Variants in VWA8 observed in about 807,000 individuals in gnomAD.
VWA8 encodes the protein von Willebrand factor A domain containing 8.
Under a neutral mutation model 241.5 loss-of-function variants are expected in VWA8, and 221 were observed. The observed-to-expected ratio is 0.91, with a 90% CI of 0.82 to 1.02. The LOEUF (loss-of-function observed/expected upper bound fraction) is 1.02. Among genes scored for constraint, VWA8 ranks in the 50% least tolerant of loss-of-function variants. VWA8 has a pLI of 0.00. For synonymous variants in VWA8, 852 were observed against 827.1 expected, an observed-to-expected ratio of 1.03 and a Z score of -0.52; for missense variants, 2,322 against 2,328.7, an observed-to-expected ratio of 1.00 and a Z score of 0.06.
chr13:41,681,536 G>A (rs1276611838), intron 35 of VWA8, among the ~76,000 whole-genome samples: 1 of 152,146 alleles, frequency 6.6e-6, no homozygotes, highest in Non-Finnish European at 1.5e-5. Flanking sequence ...GATAAGTACT[G>A]AACTCACATT....
chr13:41,768,588 G>A (rs1227789977), intron 20 of VWA8, among the ~76,000 whole-genome samples: 1 of 152,126 alleles, frequency 6.6e-6, no homozygotes, highest in Admixed American at 6.6e-5. Context: ...GCTATGAAAC[G>A]CAGAGAAGAA....
chr13:41,785,389 A>G (rs1427269103), intron 18 of VWA8, among the ~76,000 whole-genome samples: 6 of 152,196 alleles, frequency 3.9e-5, no homozygotes, highest in Admixed American at 3.9e-4. Flanking sequence ...GACTCCAAAT[A>G]ACATTGCAAC....
chr13:41,869,174 G>A (rs930198832), intron 9 of VWA8, among the ~76,000 whole-genome samples: 4 of 152,032 alleles, frequency 2.6e-5, no homozygotes, highest in Non-Finnish European at 4.4e-5. Flanking sequence ...TAAATCAATC[G>A]AAGTTAATGT....
Position 41,891,554 on chromosome 13 carries a change from GA to G in VWA8, c.516del (p.Leu173SerfsTer17). The stretch of plus-strand genomic sequence containing the variant: ...GCCTTTTCCAAACCTTCCAAAATGA[GA>G]GTTCTGCCTTCTGTGGCTGCACGAA... The part of the protein sequence containing the change: ...CAVRAATEGR[T>X]LILEGLEKAE... On this transcript the variant is annotated frameshift_variant, in exon 5 of 45. Transcript: ENST00000379310. LOFTEE classifies it high-confidence loss of function. 7 of 1,614,150 alleles carry G rather than the reference GA, an allele frequency of 4.3e-6. No individual in the cohort carries two copies. Among genetic ancestry groups the G allele is most frequent in the Non-Finnish European group, 5.9e-6 (7 of 1,180,008 alleles).
intron 34 of VWA8, among the ~76,000 whole-genome samples, chr13:41,686,157 T>C (rs1247171627): frequency 6.6e-6 from 1 of 152,162 alleles, no homozygotes; most frequent in Non-Finnish European, 1.5e-5. Flanking sequence ...TTTTGTTCTA[T>C]GGTGCATTTT....
chr13:41,921,700 T>C (rs1876544759), intron 2 of VWA8, among the ~76,000 whole-genome samples: 2 of 152,134 alleles, frequency 1.3e-5, no homozygotes, highest in South Asian at 2.1e-4. Context: ...TCAAAGAGAA[T>C]AAAATACCTA....
At chr13:41,932,849 A>G (rs540238941) in intron 2 of VWA8, among the ~76,000 whole-genome samples, 1 of 152,076 alleles carries the variant, frequency 6.6e-6, no homozygotes, top group East Asian at 1.9e-4. Context: ...CTAAACCTTT[A>G]CCTAACCTAC....
At chr13:41,867,793 T>C (rs1873381191) in intron 10 of VWA8, among the ~76,000 whole-genome samples, 1 of 152,146 alleles carries the variant, frequency 6.6e-6, no homozygotes, top group Admixed American at 6.5e-5. Flanking sequence ...GGCAGGAGTA[T>C]TGTTTGAGCT....
At chr13:41,655,483 G>C (rs997080432) in intron 37 of VWA8, among the ~76,000 whole-genome samples, 1 of 96,676 alleles carries the variant, frequency 1.0e-5, no homozygotes, top group African/African-American at 3.2e-5. Flanking sequence ...CACACATACA[G>C]AGAGACAGAG....
At chr13:41,848,538 T>C (rs1872387720) in intron 12 of VWA8, among the ~76,000 whole-genome samples, 1 of 152,006 alleles carries the variant, frequency 6.6e-6, no homozygotes, top group Non-Finnish European at 1.5e-5. Context: ...TGAGTTCTCA[T>C]GAGATATGAT....
intron 42 of VWA8, among the ~76,000 whole-genome samples, chr13:41,580,598 TAGG>T (rs1414522324): frequency 1.3e-5 from 2 of 152,106 alleles, no homozygotes; most frequent in East Asian, 1.9e-4. Context: ...GTGCCAAGGG[TAGG>T]AGAAGACAGA....
intron 37 of VWA8, among the ~76,000 whole-genome samples, chr13:41,661,445 A>T (rs1035731742): frequency 1.3e-5 from 2 of 152,152 alleles, no homozygotes; most frequent in Non-Finnish European, 1.5e-5. Context: ...AAGAGCACAC[A>T]TTGTAGAACT....
At chr13:41,907,467 G>T in intron 4 of VWA8, 119 bp downstream of exon 4, 1 of 783,036 alleles carries the variant, frequency 1.3e-6, no homozygotes, top group South Asian at 1.9e-5. Context: ...AATCTGTCTA[G>T]AGAGAGCACA....
chr13:41,596,455 C>T (rs970226397), intron 40 of VWA8, among the ~76,000 whole-genome samples: 5 of 152,040 alleles, frequency 3.3e-5, no homozygotes, highest in South Asian at 2.1e-4. Flanking sequence ...TAGTGAAATA[C>T]TTCTTGAAAC....
intron 9 of VWA8, among the ~76,000 whole-genome samples, chr13:41,872,411 G>A (rs187921751): frequency 1.3e-5 from 2 of 152,180 alleles, no homozygotes; most frequent in Admixed American, 6.5e-5. Context: ...TAATGCCTAC[G>A]TTTTCTTCTA....
chr13:41,771,211 C>T (rs561314917), intron 20 of VWA8, among the ~76,000 whole-genome samples: 1 of 152,200 alleles, frequency 6.6e-6, no homozygotes, highest in African/African-American at 2.4e-5. Flanking sequence ...CAACCTCCCC[C>T]TCCCAGGTTC....
intron 18 of VWA8, 21 bp from the exon 19 acceptor site, chr13:41,783,922 G>A (rs372981242): frequency 2.1e-5 from 34 of 1,588,330 alleles, no homozygotes; most frequent in South Asian, 8.9e-5. Flanking sequence ...CACACAGGAC[G>A]GATAATTATT....
intron 3 of VWA8, among the ~76,000 whole-genome samples, chr13:41,907,915 C>G (rs936750637): frequency 6.6e-6 from 1 of 152,172 alleles, no homozygotes; most frequent in Non-Finnish European, 1.5e-5. Flanking sequence ...CTATGGCACT[C>G]AATCCTACTA....
At chr13:41,778,832 CTTTTTTTT>C (rs71096543) in intron 19 of VWA8, among the ~76,000 whole-genome samples, 5 of 82,674 alleles carry the variant, frequency 6.0e-5, no homozygotes, top group African/African-American at 2.4e-4. Context: ...CAGTACGTCA[CTTTTTTTT>C]TTTTTTTTTT....
Sources: gnomAD v4.1 joint callset for allele counts (sites outside exome capture counted in the v4.1 genomes callset) on GRCh38, gnomAD v4.1.1 for gene constraint, MANE v1.5 for transcripts, NCBI Gene and HGNC (gene_info 2026-07-23, HGNC 2026-07-21) for gene names.